CPEB3: variants seen among roughly 807,000 people sequenced by gnomAD.
CPEB3 encodes cytoplasmic polyadenylation element binding protein 3.
A neutral mutation model predicts 67.2 loss-of-function variants in CPEB3; 20 were observed. That is an observed-to-expected ratio of 0.30 (90% CI 0.21 to 0.43). The LOEUF (loss-of-function observed/expected upper bound fraction) is 0.43. Among genes scored for constraint, CPEB3 ranks in the 20% least tolerant of loss-of-function variants. The pLI, the probability that CPEB3 is intolerant of heterozygous loss-of-function variation, is 1.00. For synonymous variants in CPEB3, 376 were observed against 393.1 expected (o/e 0.96, Z 0.51); for missense variants, 746 against 968.6 (o/e 0.77, Z 3.05).
chr10:92,083,662 A>G (rs1843246864), intron 8 of CPEB3, among the ~76,000 whole-genome samples: 1 of 152,228 alleles, frequency 6.6e-6, no homozygotes, highest in Non-Finnish European at 1.5e-5. Flanking sequence ...TCAAAAGACA[A>G]GGCTTCCTCT....
chr10:92,256,123 G>A (rs1390652015), intron 1 of CPEB3, among the ~76,000 whole-genome samples: 1 of 152,078 alleles, frequency 6.6e-6, no homozygotes, highest in Non-Finnish European at 1.5e-5. Context: ...TTTTCCCTGA[G>A]AGACAAGTCC....
At chr10:92,112,989 G>A (rs141962726) in intron 6 of CPEB3, among the ~76,000 whole-genome samples, 16 of 152,250 alleles carry the variant, frequency 1.1e-4, no homozygotes, top group East Asian at 5.8e-4. Context: ...ATGGCTATTC[G>A]TTTTTAGCCT....
chr10:92,273,114 A>C (rs544549075), intron 1 of CPEB3, among the ~76,000 whole-genome samples: 13 of 152,196 alleles, frequency 8.5e-5, no homozygotes, highest in Non-Finnish European at 1.5e-4. Context: ...GTAAGAGAGA[A>C]GGATGACTCC....
intron 2 of CPEB3, among the ~76,000 whole-genome samples, chr10:92,233,792 C>G (rs1258385192): frequency 6.6e-6 from 1 of 151,982 alleles, no homozygotes; most frequent in Non-Finnish European, 1.5e-5. Flanking sequence ...TTGCAATCAC[C>G]TTTAACTTGG....
At chr10:92,216,385 T>G in intron 2 of CPEB3, 1 of 1,612,306 alleles carries the variant, frequency 6.2e-7, no homozygotes, top group Non-Finnish European at 8.5e-7. Context: ...CGGAGGTGTG[T>G]TCCGGGGAGC....
chr10:92,164,542 T>C (rs1048146256), intron 4 of CPEB3, among the ~76,000 whole-genome samples: 18 of 152,232 alleles, frequency 1.2e-4, no homozygotes, highest in African/African-American at 4.3e-4. Context: ...TATGATTTCA[T>C]ATTAATGAAA....
intron 4 of CPEB3, among the ~76,000 whole-genome samples, chr10:92,167,917 T>A (rs116270639): frequency 0.079 from 11,959 of 151,156 alleles, 1,522 homozygotes; most frequent in African/African-American, 0.27. Context: ...TCAAAAAAAA[T>A]AAAATAAAAT....
chr10:92,098,318 C>CT (rs574180825), intron 7 of CPEB3, among the ~76,000 whole-genome samples: 3 of 150,130 alleles, frequency 2.0e-5, no homozygotes, highest in Non-Finnish European at 4.4e-5. Context: ...ATACCTTACT[C>CT]TTTTTTTGAG....
chr10:92,213,697 T>C (rs1850204804), intron 2 of CPEB3, among the ~76,000 whole-genome samples: 1 of 152,182 alleles, frequency 6.6e-6, no homozygotes, highest in Admixed American at 6.6e-5. Flanking sequence ...AGATTTTAAA[T>C]GAAACACAAA....
At chr10:92,269,172 A>G (rs533356041) in intron 1 of CPEB3, among the ~76,000 whole-genome samples, 3 of 149,304 alleles carry the variant, frequency 2.0e-5, no homozygotes, top group African/African-American at 4.9e-5. Flanking sequence ...ATGCCCAGGA[A>G]AAAAAAAAAG....
chr10:92,119,855 C>A (rs148610387), intron 6 of CPEB3, among the ~76,000 whole-genome samples: 153 of 151,944 alleles, frequency 1.0e-3, no homozygotes, highest in East Asian at 6.0e-3. Flanking sequence ...GCTTTCTCAT[C>A]GAAGTCATGC....
chr10:92,123,758 C>CT (rs1473778815), intron 6 of CPEB3, among the ~76,000 whole-genome samples: 5 of 152,212 alleles, frequency 3.3e-5, no homozygotes, highest in African/African-American at 1.2e-4. Context: ...CCTCCCTGGA[C>CT]TTTAACATTC....
intron 2 of CPEB3, among the ~76,000 whole-genome samples, chr10:92,227,499 A>AATGC (rs1851035034): frequency 6.6e-6 from 1 of 152,238 alleles, no homozygotes; most frequent in Admixed American, 6.5e-5. Context: ...TATATGGGTA[A>AATGC]CAAAAATACT....
intron 7 of CPEB3, among the ~76,000 whole-genome samples, chr10:92,097,842 T>TA (rs1277450537): frequency 1.3e-5 from 2 of 152,066 alleles, no homozygotes; most frequent in Non-Finnish European, 2.9e-5. Context: ...TTAGCGTACT[T>TA]AATTAAAGGC....
At chr10:92,224,401 A>G (rs529446986) in intron 2 of CPEB3, among the ~76,000 whole-genome samples, 4 of 152,200 alleles carry the variant, frequency 2.6e-5, no homozygotes. Flanking sequence ...CTCACTTGAG[A>G]AAGCTGAAGA....
chr10:92,201,326 G>A (rs1003199262), intron 2 of CPEB3, among the ~76,000 whole-genome samples: 1 of 152,072 alleles, frequency 6.6e-6, no homozygotes, highest in Non-Finnish European at 1.5e-5. Context: ...TCAGCAGTTC[G>A]AGACCAGCCT....
chr10:92,180,899 T>G, intron 4 of CPEB3, 64 bp downstream of exon 4: 1 of 858,352 alleles, frequency 1.2e-6, no homozygotes, highest in East Asian at 2.4e-5. Flanking sequence ...CAATCAAGAA[T>G]GTAGAAACTA....
At chr10:92,083,946 G>C (rs1045960341) in intron 8 of CPEB3, among the ~76,000 whole-genome samples, 7 of 152,074 alleles carry the variant, frequency 4.6e-5, no homozygotes, top group Non-Finnish European at 8.8e-5. Context: ...CACTTTGGGA[G>C]GCCAAGGTGG....
At chr10:92,088,355 T>C (rs896637273) in intron 8 of CPEB3, among the ~76,000 whole-genome samples, 2 of 151,696 alleles carry the variant, frequency 1.3e-5, no homozygotes, top group Non-Finnish European at 2.9e-5. Flanking sequence ...GCCCCCCAAG[T>C]AGCTGGAACT....
Sources: allele counts gnomAD v4.1 joint callset (sites outside exome capture counted in the v4.1 genomes callset), GRCh38; gene constraint gnomAD v4.1.1; transcripts MANE v1.5; gene names NCBI Gene and HGNC (gene_info 2026-07-23, HGNC 2026-07-21).